The following PPM1H variants were observed in gnomAD, a reference collection of about 807,000 sequenced individuals.
The protein encoded by PPM1H is protein phosphatase, Mg2+/Mn2+ dependent 1H.
A neutral mutation model predicts 54.9 loss-of-function variants in PPM1H; 27 were observed. The ratio of observed to expected loss-of-function variants is 0.49; its 90% CI spans 0.36 to 0.68. PPM1H has a LOEUF of 0.68. Ranked by LOEUF, PPM1H falls within the 30% of genes least tolerant of loss-of-function variation. The pLI is 0.00. For missense variants in PPM1H, 596 were observed against 667.8 expected (o/e 0.89, Z 1.19); for synonymous variants, 305 against 270.8 (o/e 1.13, Z -1.24).
chr12:62,924,080 AAAGTT>A (rs368975654), intron 1 of PPM1H, among the ~76,000 whole-genome samples: 5 of 152,234 alleles, frequency 3.3e-5, no homozygotes, highest in South Asian at 2.1e-4. Flanking sequence ...TTGACAAAAT[AAAGTT>A]AATAACCTCA....
chr12:62,647,859 G>A lies in PPM1H; in HGVS notation c.*630C>T, dbSNP rs928379648. 1.4e-5 allele frequency: 2 copies of A among 142,754 alleles called. No individual in the cohort carries two copies. The highest frequency in any genetic ancestry group is 5.3e-5 in the African/African-American group (2 of 37,656). 8.8% of individuals were successfully genotyped at this position (142,754 alleles called of 1,614,324 possible). A position where few individuals can be genotyped will look rare whatever the true frequency, so the allele number is the denominator to read the frequency against. On this transcript the variant is annotated 3_prime_UTR_variant, in exon 10 of 10. Transcript: ENST00000228705. ...CAGGGTGTTGGAAAGTCCCAGGCCT[G>A]TTCTGTGGAAGGGGAATAAAAAACA...
chr12:62,922,923 A>C (rs1871847497), intron 1 of PPM1H, among the ~76,000 whole-genome samples: 1 of 152,240 alleles, frequency 6.6e-6, no homozygotes. Flanking sequence ...TTCAAGTTTT[A>C]GGCAGATTTC....
chr12:62,694,055 G>T (rs2136641849), intron 6 of PPM1H, 56 bp from the exon 7 acceptor site: 4 of 1,459,934 alleles, frequency 2.7e-6, no homozygotes, highest in South Asian at 2.4e-5. Flanking sequence ...GTGACCTGCT[G>T]CCCTGACACC....
At chr12:62,932,628 C>CTTTTTTGTT (rs1872177633) in intron 1 of PPM1H, among the ~76,000 whole-genome samples, 1 of 54,012 alleles carries the variant, frequency 1.9e-5, no homozygotes, top group African/African-American at 7.0e-5. Flanking sequence ...TCCAAATGGG[C>CTTTTTTGTT]TTTTTTTTTT....
At chr12:62,773,500 T>G (rs2076591107) in intron 4 of PPM1H, among the ~76,000 whole-genome samples, 1 of 152,092 alleles carries the variant, frequency 6.6e-6, no homozygotes, top group Non-Finnish European at 1.5e-5. Flanking sequence ...ATAAAAATTT[T>G]TTTGAAAAAT....
At chr12:62,855,920 T>G (rs955331131) in intron 1 of PPM1H, among the ~76,000 whole-genome samples, 2 of 152,220 alleles carry the variant, frequency 1.3e-5, no homozygotes, top group African/African-American at 2.4e-5. Flanking sequence ...CCCTTTAAGA[T>G]GTGTTATGTG....
intron 5 of PPM1H, among the ~76,000 whole-genome samples, chr12:62,736,456 G>A (rs2076349946): frequency 6.6e-6 from 1 of 152,146 alleles, no homozygotes; most frequent in African/African-American, 2.4e-5. Flanking sequence ...AGCAACAGTA[G>A]GTGAAAGATT....
intron 1 of PPM1H, among the ~76,000 whole-genome samples, chr12:62,832,785 C>T (rs570402506): frequency 4.8e-4 from 73 of 152,276 alleles, no homozygotes; most frequent in African/African-American, 1.7e-3. Flanking sequence ...CATACCCCCC[C>T]ATTTTTGCTT....
At chr12:62,861,634 A>T (rs1869605208) in intron 1 of PPM1H, among the ~76,000 whole-genome samples, 1 of 152,222 alleles carries the variant, frequency 6.6e-6, no homozygotes, top group Non-Finnish European at 1.5e-5. Flanking sequence ...AACAGAAGCC[A>T]TATGGTTATA....
chr12:62,804,315 C>A (rs1329959055), intron 2 of PPM1H, among the ~76,000 whole-genome samples: 1 of 147,168 alleles, frequency 6.8e-6, no homozygotes, highest in Non-Finnish European at 1.5e-5. Flanking sequence ...GATCTTGCCA[C>A]TGTATTCCAG....
At chr12:62,651,617 A>G (rs1200324541) in intron 9 of PPM1H, among the ~76,000 whole-genome samples, 2 of 152,200 alleles carry the variant, frequency 1.3e-5, no homozygotes, top group Admixed American at 6.5e-5. Context: ...GTTATTTCCT[A>G]TTCCAAGATA....
intron 4 of PPM1H, among the ~76,000 whole-genome samples, chr12:62,762,231 T>C (rs1376009795): frequency 6.6e-6 from 1 of 152,204 alleles, no homozygotes; most frequent in Non-Finnish European, 1.5e-5. Flanking sequence ...GACCCTGTGG[T>C]GACCACACCT....
intron 1 of PPM1H, among the ~76,000 whole-genome samples, chr12:62,888,417 T>C (rs1480848800): frequency 6.6e-6 from 1 of 152,026 alleles, no homozygotes; most frequent in African/African-American, 2.4e-5. Context: ...ATGAATGGTA[T>C]TTAGAGACAC....
chr12:62,710,152 C>T (rs1234443280), intron 6 of PPM1H, among the ~76,000 whole-genome samples: 3 of 152,044 alleles, frequency 2.0e-5, no homozygotes, highest in Non-Finnish European at 2.9e-5. Context: ...ATCCTTCCTA[C>T]GCAAGGACAT....
chr12:62,835,096 T>C lies in PPM1H; in HGVS notation c.246-2817A>G, dbSNP rs947264038. 2.6e-5 allele frequency among the ~76,000 whole-genome samples: 4 copies of C among 152,206 alleles called. No individual in the cohort carries two copies. The East Asian group carries it at 7.7e-4, about 29-fold the overall frequency. On this transcript the variant is annotated intron_variant, in intron 1 of 9. Coordinates refer to ENST00000228705, the MANE Select transcript of PPM1H (RefSeq NM_020700.2). ...GTAGAAAGGTGTTTTTTCCTTTGGT[T>C]TCGTTTTTTGAACCAAAAAAGCATC...
At chr12:62,771,295 GACACACAC>G (rs4026219) in intron 4 of PPM1H, among the ~76,000 whole-genome samples, 3,414 of 131,932 alleles carry the variant, frequency 0.026, 47 homozygotes, top group African/African-American at 0.031. Flanking sequence ...ACTTTGTGAA[GACACACAC>G]ACACACACAC....
intron 2 of PPM1H, among the ~76,000 whole-genome samples, chr12:62,822,222 T>C (rs540203545): frequency 6.6e-6 from 1 of 152,150 alleles, no homozygotes; most frequent in African/African-American, 2.4e-5. Flanking sequence ...TAAATATATA[T>C]GCACCCAATA....
At chr12:62,848,819 T>C (rs1214588162) in intron 1 of PPM1H, among the ~76,000 whole-genome samples, 2 of 151,668 alleles carry the variant, frequency 1.3e-5, no homozygotes, top group African/African-American at 4.9e-5. Flanking sequence ...AAGAGACTCC[T>C]AGAGATGGAA....
At chr12:62,778,113 C>T (rs2076621661) in intron 4 of PPM1H, among the ~76,000 whole-genome samples, 1 of 152,120 alleles carries the variant, frequency 6.6e-6, no homozygotes, top group Admixed American at 6.5e-5. Context: ...ATTCAGGTAA[C>T]AAAAGAGGTA....
Sources: gnomAD v4.1 joint callset for allele counts (sites outside exome capture counted in the v4.1 genomes callset) on GRCh38, gnomAD v4.1.1 for gene constraint, MANE v1.5 for transcripts, NCBI Gene and HGNC (gene_info 2026-07-23, HGNC 2026-07-21) for gene names.